The following NCOA3 variants were observed in gnomAD, a reference collection of about 807,000 sequenced individuals.
The protein encoded by NCOA3 is nuclear receptor coactivator 3.
Under a neutral mutation model 158.8 loss-of-function variants are expected in NCOA3, and 51 were observed. That is an observed-to-expected ratio of 0.32 (90% confidence interval 0.26 to 0.41). The LOEUF is 0.41. Ranked by LOEUF, NCOA3 falls within the 10% of genes least tolerant of loss-of-function variation. The pLI, the probability that NCOA3 is intolerant of heterozygous loss-of-function variation, is 1.00. For missense variants in NCOA3, 1,510 were observed against 1,746.6 expected, an observed-to-expected ratio of 0.86 and a Z score of 2.41; for synonymous variants, 537 against 592.4, an observed-to-expected ratio of 0.91 and a Z score of 1.36.
chr20:47,628,913 G>C (rs1035767234), intron 8 of NCOA3: 1 of 152,126 alleles, frequency 6.6e-6, no homozygotes, highest in Non-Finnish European at 1.5e-5. Flanking sequence ...TGTCATATAT[G>C]CCCCATCTCA....
chr20:47,574,477 T>A (rs1394740597), intron 1 of NCOA3, among the ~76,000 whole-genome samples: 1 of 148,834 alleles, frequency 6.7e-6, no homozygotes, highest in African/African-American at 2.6e-5. Flanking sequence ...GTTGCTACTA[T>A]GTATATTTTG....
At chr20:47,623,140 G>GTAATC (rs1349738304) in intron 3 of NCOA3, 1 of 152,172 alleles carries the variant, frequency 6.6e-6, no homozygotes, top group East Asian at 1.9e-4. Context: ...ACAAAATAAT[G>GTAATC]TAATCTATAT....
At position 47,567,012 on chromosome 20, in the gene NCOA3, C is replaced by CTATGTACAT. The variant is rs904150545; in HGVS notation, c.-98-16165_-98-16164insCATTATGTA. 5.5e-5 allele frequency among the ~76,000 whole-genome samples: 8 copies of CTATGTACAT among 145,346 alleles called. 1 individual carries two copies. The highest frequency in any genetic ancestry group is 1.5e-5 in the Non-Finnish European group (1 of 66,156). On this transcript the variant is annotated intron_variant, in intron 1 of 22. Transcript: ENST00000371998. ...TACTAACAGTTTACATGGTATAGTA[C>CTATGTACAT]TATGTATGTATGTATGTATGTATGT...
In NCOA3 at chr20:47,648,267, A is replaced by G. The variant is rs552105617; in HGVS notation, c.3547-738A>G. Reference sequence around the variant, plus strand: ...CATTGCATAAATATTGTTAAAAGTCAGTTTAGGTACTCAGAAAAGCTGTGT... The same window carrying G: ...CATTGCATAAATATTGTTAAAAGTCGGTTTAGGTACTCAGAAAAGCTGTGT... On this transcript the variant is annotated intron_variant, in intron 18 of 22. Coordinates refer to ENST00000371998, the MANE Select transcript of NCOA3 (RefSeq NM_181659.3). Among the ~76,000 whole-genome samples the G allele has an allele frequency of 5.9e-5, 9 of 152,192 alleles. No individual in the cohort carries two copies. The South Asian group carries it at 1.9e-3, about 32-fold the overall frequency.
chr20:47,623,308 C>T lies in NCOA3; in HGVS notation c.84-603C>T, dbSNP rs946831485. Among the ~76,000 whole-genome samples the T allele has an allele frequency of 2.0e-5, 3 of 152,236 alleles. No individual in the cohort carries two copies. The East Asian group carries it at 5.8e-4, about 29-fold the overall frequency. ...TTATTTGTTAGTTGTTTTATTATCT[C>T]TAAGAAGTAAAGATGATTTATTCGT... On this transcript the variant is annotated intron_variant, in intron 3 of 22. Transcript: ENST00000371998.
At chr20:47,626,275 C>A (rs901143536) in intron 5 of NCOA3, among the ~76,000 whole-genome samples, 3 of 152,166 alleles carry the variant, frequency 2.0e-5, no homozygotes, top group African/African-American at 2.4e-5. Flanking sequence ...TTTAGTTGAT[C>A]AGTTTTGAAA....
At chr20:47,531,635 C>T (rs1046242149) in intron 1 of NCOA3, among the ~76,000 whole-genome samples, 11 of 152,164 alleles carry the variant, frequency 7.2e-5, no homozygotes, top group African/African-American at 2.4e-4. Flanking sequence ...CTCCCTTGTA[C>T]AGTCTCATCC....
At chr20:47,587,897 T>G (rs1002139510) in intron 2 of NCOA3, among the ~76,000 whole-genome samples, 17 of 152,286 alleles carry the variant, frequency 1.1e-4, no homozygotes, top group African/African-American at 3.6e-4. Context: ...CCCTTATTAT[T>G]ATGTGGGAAT....
chr20:47,530,368 G>C (rs2146104683), intron 1 of NCOA3, among the ~76,000 whole-genome samples: 1 of 151,940 alleles, frequency 6.6e-6, no homozygotes, highest in Non-Finnish European at 1.5e-5. Flanking sequence ...GTTTTAAAAG[G>C]ATTTGTATAG....
intron 1 of NCOA3, among the ~76,000 whole-genome samples, chr20:47,522,769 A>C (rs1289640649): frequency 6.6e-6 from 1 of 152,028 alleles, no homozygotes; most frequent in African/African-American, 2.4e-5. Context: ...AAAGGGCAAG[A>C]AGGCTGAGGC....
chr20:47,510,449 T>TAAAAAAAA (rs2084102399), intron 1 of NCOA3, among the ~76,000 whole-genome samples: 1 of 34,294 alleles, frequency 2.9e-5, no homozygotes, highest in Admixed American at 2.9e-4. Context: ...AAAAAAAAAG[T>TAAAAAAAA]ACACGATCAT....
chr20:47,621,567 A>G (rs764489180), intron 2 of NCOA3, among the ~76,000 whole-genome samples: 5 of 152,100 alleles, frequency 3.3e-5, no homozygotes, highest in Admixed American at 1.3e-4. Flanking sequence ...GATGTCTTAA[A>G]TCATCTTTCT....
chr20:47,570,935 T>C (rs1320817693), intron 1 of NCOA3, among the ~76,000 whole-genome samples: 18 of 56,956 alleles, frequency 3.2e-4, no homozygotes, highest in African/African-American at 1.1e-3. Flanking sequence ...AGCAGTAATA[T>C]ATATACACAC....
chr20:47,547,866 C>T lies in NCOA3; in HGVS notation c.-98-35317C>T, dbSNP rs528076849. The stretch of plus-strand genomic sequence containing the variant: ...GAGTAGCTAGGATTACAGGCGCCTG[C>T]CACCACCCCCTGCTAATTATTTTAT... On this transcript the variant is annotated intron_variant, in intron 1 of 22. Transcript: ENST00000371998. Among the ~76,000 whole-genome samples the T allele has an allele frequency of 5.9e-4, 90 of 152,082 alleles. 3 individuals are homozygous for T. Among genetic ancestry groups the T allele is most frequent in the African/African-American group, 1.9e-3 (80 of 41,476 alleles).
At chr20:47,582,825 C>T (rs1602436380) in intron 1 of NCOA3, among the ~76,000 whole-genome samples, 2 of 152,162 alleles carry the variant, frequency 1.3e-5, no homozygotes, top group South Asian at 2.1e-4. Context: ...GAGAGAATCT[C>T]GCTCTGTCAC....
At chr20:47,523,986 T>TA (rs2084386008) in intron 1 of NCOA3, among the ~76,000 whole-genome samples, 1 of 152,222 alleles carries the variant, frequency 6.6e-6, no homozygotes, top group Non-Finnish European at 1.5e-5. Context: ...CTTCTGAACT[T>TA]AAAATCGCCT....
chr20:47,629,856 A>T lies in NCOA3; in HGVS notation c.823+1833A>T, dbSNP rs112866877. On this transcript the variant is annotated intron_variant, in intron 8 of 22. Transcript: ENST00000371998. ...CAATTTAGCAAGTAGCATCTTTGAA[A>T]ATTATCTCATCAGTATATAAAAGTG... is the stretch of plus-strand genomic sequence containing the variant. Among the ~76,000 whole-genome samples, 7 of 152,356 alleles carry T rather than the reference A, an allele frequency of 4.6e-5. 2 individuals carry two copies. Among genetic ancestry groups the T allele is most frequent in the African/African-American group, 1.7e-4 (7 of 41,586 alleles).
chr20:47,639,904 G>A (rs1453470019), intron 15 of NCOA3, 21 bp from the exon 16 acceptor site: 1 of 1,613,714 alleles, frequency 6.2e-7, no homozygotes, highest in Non-Finnish European at 8.5e-7. Context: ...GAGAATTTGT[G>A]CTTTCTTTTT....
intron 2 of NCOA3, among the ~76,000 whole-genome samples, chr20:47,589,124 C>G (rs1027599241): frequency 2.0e-5 from 3 of 152,024 alleles, no homozygotes; most frequent in South Asian, 2.1e-4. Flanking sequence ...AACTCCTGAC[C>G]TCAGGTGATC....
Sources: allele counts gnomAD v4.1 joint callset (sites outside exome capture counted in the v4.1 genomes callset), GRCh38; gene constraint gnomAD v4.1.1; transcripts MANE v1.5; gene names NCBI Gene and HGNC (gene_info 2026-07-23, HGNC 2026-07-21).